The following CRTAC1 variants were observed in gnomAD, a reference collection of about 807,000 sequenced individuals.
CRTAC1 encodes acidic secreted protein in cartilage.
In CRTAC1, 37 loss-of-function variants were observed where a neutral mutation model predicts 67.8. The observed-to-expected ratio is 0.55, with a 90% confidence interval of 0.42 to 0.72. The LOEUF is 0.72. Among genes scored for constraint, CRTAC1 ranks in the 30% least tolerant of loss-of-function variants. The pLI is 0.00. For synonymous variants in CRTAC1, 348 were observed against 371.0 expected (o/e 0.94, Z 0.71); for missense variants, 780 against 931.6 (o/e 0.84, Z 2.12).
intron 2 of CRTAC1, among the ~76,000 whole-genome samples, chr10:97,955,680 G>A (rs2051428541): frequency 1.3e-5 from 2 of 152,348 alleles, no homozygotes; most frequent in South Asian, 2.1e-4. Flanking sequence ...AGCTCTGGCT[G>A]TATTTCTCTC....
At chr10:97,933,162 A>G (rs1393557458) in intron 3 of CRTAC1, among the ~76,000 whole-genome samples, 1 of 152,258 alleles carries the variant, frequency 6.6e-6, no homozygotes, top group Non-Finnish European at 1.5e-5. Flanking sequence ...AAGTGCTGAC[A>G]TGGCACAATG....
chr10:97,996,083 C>T (rs917700753), intron 2 of CRTAC1, among the ~76,000 whole-genome samples: 1 of 151,842 alleles, frequency 6.6e-6, no homozygotes, highest in Non-Finnish European at 1.5e-5. Flanking sequence ...AAAATTAATT[C>T]AAGATGGATT....
In CRTAC1 at chr10:97,978,819, T is replaced by G. The variant is rs566176341; in HGVS notation, c.224+32319A>C. 4.6e-5 allele frequency among the ~76,000 whole-genome samples: 7 copies of G among 152,278 alleles called. No homozygotes were observed. The South Asian group carries it at 1.5e-3, about 32-fold the overall frequency. On this transcript the variant is annotated intron_variant, in intron 2 of 14. Coordinates refer to ENST00000370597, the MANE Select transcript of CRTAC1 (RefSeq NM_018058.7). ...CCCCCTCTGAAATGATCTTGCTTAT[T>G]TGTTGTCTGTTTGGTGGTTCCTTAC...
At chr10:97,945,153 C>A (rs2051244121) in intron 2 of CRTAC1, among the ~76,000 whole-genome samples, 1 of 152,174 alleles carries the variant, frequency 6.6e-6, no homozygotes, top group African/African-American at 2.4e-5. Flanking sequence ...ATTCATAAAT[C>A]AGTGGAATTC....
At chr10:97,985,080 C>T (rs576349336) in intron 2 of CRTAC1, among the ~76,000 whole-genome samples, 12 of 152,246 alleles carry the variant, frequency 7.9e-5, no homozygotes, top group Admixed American at 2.0e-4. Flanking sequence ...GGGATTGTTT[C>T]GGCTTGTGTA....
At chr10:97,963,681 T>C (rs938533548) in intron 2 of CRTAC1, among the ~76,000 whole-genome samples, 7 of 152,256 alleles carry the variant, frequency 4.6e-5, no homozygotes, top group African/African-American at 1.7e-4. Flanking sequence ...AGTATAATGC[T>C]TATTTGATTG....
chr10:97,873,222 G>A (rs901044568), intron 14 of CRTAC1, among the ~76,000 whole-genome samples: 3 of 152,170 alleles, frequency 2.0e-5, no homozygotes, highest in Non-Finnish European at 4.4e-5. Flanking sequence ...GAGTTTCAGT[G>A]TGAAGGGAAA....
rs530774881 is a variant in CRTAC1 at position 97,991,761 on chromosome 10, G to T, written c.224+19377C>A. ...CTCTCCAGCGTTTTGAACCAAGAAT[G>T]AACTTGTCTTCTTTTTACTTCCTGG... On this transcript the variant is annotated intron_variant, in intron 2 of 14. Transcript: ENST00000370597. Among the ~76,000 whole-genome samples, 209 of 152,212 alleles carry T rather than the reference G, an allele frequency of 1.4e-3. 5 individuals are homozygous for T. The South Asian group carries it at 0.041, about 30-fold the overall frequency.
chr10:97,950,246 CAGAGAGAGAGAG>C (rs71007371), intron 2 of CRTAC1, among the ~76,000 whole-genome samples: 28 of 113,426 alleles, frequency 2.5e-4, no homozygotes, highest in South Asian at 3.2e-4. Context: ...CACACACACA[CAGAGAGAGAGAG>C]AGAGAGAGAG....
intron 2 of CRTAC1, among the ~76,000 whole-genome samples, chr10:97,944,505 C>G (rs1590227773): frequency 6.6e-6 from 1 of 151,836 alleles, no homozygotes; most frequent in Admixed American, 6.6e-5. Context: ...TAATCTAAGG[C>G]TAAGAAATGA....
In CRTAC1 at chr10:97,865,517, C is replaced by T. The variant is rs1268008363; in HGVS notation, c.*31G>A. 6.3e-7 allele frequency: 1 copy of T among 1,578,998 alleles called. No individual in the cohort carries two copies. Among genetic ancestry groups the T allele is most frequent in the African/African-American group, 1.3e-5 (1 of 74,602 alleles). On this transcript the variant is annotated 3_prime_UTR_variant, in exon 15 of 15. Transcript: ENST00000370597. ...CCCACTTTCCCACTCCCCTGCTGGA[C>T]TCCATCCGCTGGTTCATGTCCCACC...
intron 2 of CRTAC1, among the ~76,000 whole-genome samples, chr10:97,959,979 C>A (rs1333977695): frequency 6.6e-6 from 1 of 152,260 alleles, no homozygotes; most frequent in Non-Finnish European, 1.5e-5. Context: ...TTACTTGGGG[C>A]TGGCCCCATA....
intron 3 of CRTAC1, among the ~76,000 whole-genome samples, chr10:97,925,079 A>G (rs2050893254): frequency 1.3e-5 from 2 of 152,176 alleles, no homozygotes; most frequent in South Asian, 4.1e-4. Flanking sequence ...CCAGCCAGGC[A>G]ACATAGCAAG....
chr10:98,003,518 T>C (rs1842731720), intron 2 of CRTAC1, among the ~76,000 whole-genome samples: 2 of 152,200 alleles, frequency 1.3e-5, no homozygotes, highest in Non-Finnish European at 2.9e-5. Flanking sequence ...AATAGTGGGT[T>C]GAATCCTTTT....
intron 2 of CRTAC1, among the ~76,000 whole-genome samples, chr10:97,941,348 C>G (rs2051172668): frequency 6.6e-6 from 1 of 152,044 alleles, no homozygotes; most frequent in Non-Finnish European, 1.5e-5. Context: ...ATGTTGGAGT[C>G]CCCAGTCCTG....
rs142556251 is a variant in CRTAC1 at position 97,933,281 on chromosome 10, T to C, written c.421+2889A>G. Among the ~76,000 whole-genome samples, 562 of 152,380 alleles carry C rather than the reference T, an allele frequency of 3.7e-3. 2 individuals are homozygous for C. The highest frequency in any genetic ancestry group is 0.013 in the African/African-American group (523 of 41,598). On this transcript the variant is annotated intron_variant, in intron 3 of 14. Transcript: ENST00000370597. ...CAAACCCACACAAGGTCAACAGCAC[T>C]GAGGCTGCTGGGCACTGTTGCCTCA...
At chr10:97,917,836 G>A (rs1264635732) in intron 4 of CRTAC1, among the ~76,000 whole-genome samples, 180 bp from the exon 5 acceptor site, 2 of 152,130 alleles carry the variant, frequency 1.3e-5, no homozygotes, top group East Asian at 1.9e-4. Flanking sequence ...TTTTCACAAA[G>A]GCTACCATGT....
chr10:98,005,081 C>CATAT lies in CRTAC1; in HGVS notation c.224+6053_224+6056dup, dbSNP rs1321278482. Among the ~76,000 whole-genome samples, 192 of 54,578 alleles carry CATAT rather than the reference C, an allele frequency of 3.5e-3. 12 individuals carry two copies. The highest frequency in any genetic ancestry group is 0.012 in the Middle Eastern group (1 of 84). The allele number at this position is 54,578 out of a possible 152,430, so 35.8% of individuals were successfully genotyped here. On this transcript the variant is annotated intron_variant, in intron 2 of 14. Transcript: ENST00000370597. Reference sequence around the variant, plus strand: ...TGCTTAAGTGTAATGTAAAGTAATACATATATATATATATATATATTTTTT... The same window carrying CATAT: ...TGCTTAAGTGTAATGTAAAGTAATACATATATATATATATATATATATATTTTTT...
Position 98,030,530 on chromosome 10 carries a change from T to G in CRTAC1, c.-58A>C, listed in dbSNP as rs1843353545. ...TGGGAAGCGGGCGCTCGCTGCCGCCTCTGCCGCCGGCGCCGCCGCCTGCTT... is the reference window on the plus strand; with the variant it reads ...TGGGAAGCGGGCGCTCGCTGCCGCCGCTGCCGCCGGCGCCGCCGCCTGCTT... On this transcript the variant is annotated 5_prime_UTR_variant, in exon 1 of 15. Transcript: ENST00000370597. This position sits in a 1 kb window ranked among gnomAD's most constrained non-coding sequence, Gnocchi z 4.2. 1.7e-6 allele frequency: 2 copies of G among 1,195,282 alleles called. No homozygotes were observed. Among genetic ancestry groups the G allele is most frequent in the Non-Finnish European group, 2.1e-6 (2 of 946,740 alleles). 74.0% of individuals were successfully genotyped at this position (1,195,282 alleles called of 1,614,324 possible).
Sources: gnomAD v4.1 joint callset for allele counts (sites outside exome capture counted in the v4.1 genomes callset) on GRCh38, gnomAD v4.1.1 for gene constraint, Gnocchi (gnomAD v3.1) non-coding constraint, MANE v1.5 for transcripts, NCBI Gene and HGNC (gene_info 2026-07-23, HGNC 2026-07-21) for gene names.